The following LRTM1 variants were observed in gnomAD, a reference collection of about 807,000 sequenced individuals.
LRTM1 encodes the protein leucine rich repeat transmembrane protein 1.
A neutral mutation model predicts 32.4 loss-of-function variants in LRTM1; 38 were observed. That is an observed-to-expected ratio of 1.17 (90% CI 0.91 to 1.54). LRTM1 has a LOEUF of 1.54. LRTM1 is among the 40% of genes most tolerant of loss of function. The pLI is 0.00. For missense variants in LRTM1, 466 were observed against 415.4 expected (o/e 1.12, Z -1.06); for synonymous variants, 186 against 169.9 (o/e 1.09, Z -0.74).
chr3:54,965,745 G>T (rs971114277), intron 1 of LRTM1, among the ~76,000 whole-genome samples: 2 of 152,204 alleles, frequency 1.3e-5, no homozygotes, highest in Admixed American at 6.5e-5. Flanking sequence ...TTACTGGAAA[G>T]GGGATGAGGT....
chr3:54,935,570 C>T (rs1027174179), intron 1 of LRTM1, among the ~76,000 whole-genome samples: 5 of 152,058 alleles, frequency 3.3e-5, no homozygotes, highest in African/African-American at 1.2e-4. Flanking sequence ...TTGTCTGTGC[C>T]CCAGGAATAT....
At chr3:54,944,126 G>T (rs904234481) in intron 1 of LRTM1, among the ~76,000 whole-genome samples, 6 of 152,022 alleles carry the variant, frequency 3.9e-5, no homozygotes, top group Admixed American at 3.9e-4. Context: ...CATATCCTTT[G>T]GTAGGAACAG....
chr3:54,941,117 C>T (rs1701455611), intron 1 of LRTM1, among the ~76,000 whole-genome samples: 1 of 152,138 alleles, frequency 6.6e-6, no homozygotes, highest in Non-Finnish European at 1.5e-5. Context: ...GTGAATGTTT[C>T]TCCTGGTAAT....
At chr3:54,960,669 G>A (rs34629408) in intron 1 of LRTM1, among the ~76,000 whole-genome samples, 4,755 of 152,256 alleles carry the variant, frequency 0.031, 110 homozygotes, top group Middle Eastern at 0.11. Flanking sequence ...TACCCAGGGG[G>A]ACAAGAGTGC....
intron 1 of LRTM1, among the ~76,000 whole-genome samples, chr3:54,938,831 A>G (rs17054577): frequency 0.026 from 4,024 of 152,308 alleles, 196 homozygotes; most frequent in African/African-American, 0.092. Context: ...ATATGATTCT[A>G]GAAAAGTCAG....
At chr3:54,947,288 G>C (rs1575399157) in intron 1 of LRTM1, among the ~76,000 whole-genome samples, 1 of 152,080 alleles carries the variant, frequency 6.6e-6, no homozygotes, top group East Asian at 1.9e-4. Context: ...TTTTCCAGTA[G>C]ACCAAGAAAC....
At position 54,961,991 on chromosome 3, in the gene LRTM1, C is replaced by T. The variant is rs572072113; in HGVS notation, c.-222+4937G>A. ...GGCATGGCATCGTGAGGGGACTGAG[C>T]GTGCTCACTCAGGTCTCTCTCCCTC... On this transcript the variant is annotated intron_variant, in intron 1 of 2. Transcript: ENST00000493075. Among the ~76,000 whole-genome samples the T allele has an allele frequency of 1.3e-4, 20 of 152,176 alleles. No individual in the cohort carries two copies. In the South Asian group the frequency reaches 3.3e-3, roughly 25 times the overall value.
upstream of LRTM1, chr3:54,928,139 G>A: frequency 1.9e-6 from 1 of 538,622 alleles, no homozygotes; most frequent in Non-Finnish European, 3.3e-6. Context: ...TTCCATAAGA[G>A]GATCTTGGGA....
At chr3:54,950,006 A>T (rs1039515313) in intron 1 of LRTM1, among the ~76,000 whole-genome samples, 3 of 152,186 alleles carry the variant, frequency 2.0e-5, no homozygotes, top group Non-Finnish European at 4.4e-5. Context: ...GGAAAAGAAA[A>T]AGATTCGTCT....
intron 1 of LRTM1, among the ~76,000 whole-genome samples, chr3:54,960,204 C>G (rs2107044060): frequency 6.6e-6 from 1 of 152,308 alleles, no homozygotes; most frequent in East Asian, 1.9e-4. Context: ...TAAAATAGGC[C>G]TCCTCAGCAA....
At position 54,918,332 on chromosome 3, in the gene LRTM1, C is replaced by CTTTTTTTTTTT. The variant is rs533596688; in HGVS notation, c.*116_*126dup. Reference sequence around the variant, plus strand: ...TTTTACAGACACATCTTTTTTTTTTCTTTTTTTTTTTTTTTTTTTTTTTGT... The same window carrying CTTTTTTTTTTT: ...TTTTACAGACACATCTTTTTTTTTTCTTTTTTTTTTTTTTTTTTTTTTTTTTTTTTTTTTGT... On this transcript the variant is annotated 3_prime_UTR_variant, in exon 3 of 3. Transcript: ENST00000273286. The CTTTTTTTTTTT allele has an allele frequency of 8.4e-3, 1,913 of 227,846 alleles. 128 individuals are homozygous for CTTTTTTTTTTT. The highest frequency in any genetic ancestry group is 0.011 in the African/African-American group (301 of 27,566). 14.1% of individuals were successfully genotyped at this position (227,846 alleles called of 1,614,324 possible).
intron 1 of LRTM1, among the ~76,000 whole-genome samples, chr3:54,958,123 A>G (rs1056106654): frequency 6.6e-6 from 1 of 152,248 alleles, no homozygotes; most frequent in African/African-American, 2.4e-5. Flanking sequence ...CTCAACCTCT[A>G]GTTGGATGAG....
intron 1 of LRTM1, among the ~76,000 whole-genome samples, chr3:54,927,618 A>G (rs1474322158): frequency 1.3e-5 from 2 of 152,148 alleles, no homozygotes; most frequent in Non-Finnish European, 2.9e-5. Context: ...TTTCCCCCCA[A>G]AGGAATAATA....
chr3:54,923,096 C>G (rs950967139), intron 2 of LRTM1, among the ~76,000 whole-genome samples: 8 of 152,168 alleles, frequency 5.3e-5, no homozygotes, highest in Admixed American at 2.0e-4. Flanking sequence ...AGCCTTTCGT[C>G]AGTTCTCCCA....
rs2106921579 is a variant in LRTM1 at position 54,918,263 on chromosome 3, T to C, written c.*196A>G. 1 of 588,378 alleles carries C rather than the reference T, an allele frequency of 1.7e-6. No homozygotes were observed. Among genetic ancestry groups the C allele is most frequent in the Non-Finnish European group, 2.9e-6 (1 of 340,552 alleles). The allele number at this position is 588,378 out of a possible 1,614,324, so 36.4% of individuals were successfully genotyped here. On this transcript the variant is annotated 3_prime_UTR_variant, in exon 3 of 3. Transcript: ENST00000273286. ...ACAAGTATCATCTTTATTTTACCTA[T>C]AGTATTTTAAAAATCGCAACATAAA...
At chr3:54,935,070 C>T (rs899983584) in intron 1 of LRTM1, among the ~76,000 whole-genome samples, 1 of 152,178 alleles carries the variant, frequency 6.6e-6, no homozygotes, top group Non-Finnish European at 1.5e-5. Flanking sequence ...TTTCTCATCA[C>T]CTTGAACCTG....
At chr3:54,963,131 G>A (rs529712523) in intron 1 of LRTM1, among the ~76,000 whole-genome samples, 8 of 152,228 alleles carry the variant, frequency 5.3e-5, no homozygotes, top group Admixed American at 2.6e-4. Flanking sequence ...AAATCTGGAG[G>A]GTGGTTGTTG....
rs769973256 is a variant in LRTM1 at position 54,925,125 on chromosome 3, A to G, written c.98T>C (p.Phe33Ser). Residue 33 changes from phenylalanine (F) to serine (S), a missense_variant, in exon 2 of 3, where the codon TTT (phenylalanine) becomes TCT (serine). Physicochemically the swap from Phe to Ser is radical, Grantham distance 155 (BLOSUM62 -2). Transcript: ENST00000273286. ...CAGACCCTGCTGGCTGCAGTCTACA[A>G]AATTTGTAGATGACTGACAGTAACA... Reference protein sequence around the residue: ...DKCYCQSSTNFVDCSQQGLAE... With the variant: ...DKCYCQSSTNSVDCSQQGLAE... 3 of 1,614,146 alleles carry G rather than the reference A, an allele frequency of 1.9e-6. No individual in the cohort carries two copies. Among genetic ancestry groups the G allele is most frequent in the Non-Finnish European group, 2.5e-6 (3 of 1,180,028 alleles).
intron 1 of LRTM1, among the ~76,000 whole-genome samples, chr3:54,960,340 C>G (rs1462264634): frequency 1.3e-5 from 2 of 152,136 alleles, no homozygotes; most frequent in African/African-American, 4.8e-5. Context: ...AGAAAGATTA[C>G]CAACCCCCCA....
Sources: allele counts gnomAD v4.1 joint callset (sites outside exome capture counted in the v4.1 genomes callset), GRCh38; gene constraint gnomAD v4.1.1; transcripts MANE v1.5; gene names NCBI Gene and HGNC (gene_info 2026-07-23, HGNC 2026-07-21).